EIF3B: variants seen among roughly 807,000 people sequenced by gnomAD.
EIF3B encodes eukaryotic translation initiation factor 3 subunit 9.
Under a neutral mutation model 104.6 loss-of-function variants are expected in EIF3B, and 10 were observed. The observed-to-expected ratio is 0.10, with a 90% CI of 0.06 to 0.16. The LOEUF is 0.16. Ranked by LOEUF, EIF3B falls within the 10% of genes least tolerant of loss-of-function variation. The pLI, the probability that EIF3B is intolerant of heterozygous loss-of-function variation, is 1.00. For synonymous variants in EIF3B, 542 were observed against 417.2 expected, an observed-to-expected ratio of 1.30 and a Z score of -3.65; for missense variants, 1,014 against 1,087.9, an observed-to-expected ratio of 0.93 and a Z score of 0.96.
intron 1 of EIF3B, among the ~76,000 whole-genome samples, chr7:2,358,092 C>T (rs1779548075): frequency 6.6e-6 from 1 of 151,768 alleles, no homozygotes; most frequent in Non-Finnish European, 1.5e-5. Flanking sequence ...GCAGTATTTT[C>T]AATATTTCCT....
At chr7:2,373,536 C>G (rs1381615325) in intron 12 of EIF3B, 1 of 152,158 alleles carries the variant, frequency 6.6e-6, no homozygotes, top group Non-Finnish European at 1.5e-5. Flanking sequence ...CCTGGCCGCA[C>G]CTTTCGCAGC....
intron 9 of EIF3B, among the ~76,000 whole-genome samples, chr7:2,368,887 T>C (rs546810110): frequency 2.0e-4 from 31 of 152,302 alleles, no homozygotes; most frequent in Admixed American, 3.9e-4. Context: ...AATTATGGCT[T>C]ATAAAATGAA....
intron 16 of EIF3B, 158 bp from the exon 17 acceptor site, chr7:2,378,976 G>T (rs906098597): frequency 1.3e-6 from 1 of 755,314 alleles, no homozygotes; most frequent in Non-Finnish European, 2.2e-6. Flanking sequence ...TGGGTGGGGG[G>T]CAGCGTTGGG....
chr7:2,377,621 C>T (rs36158705), intron 15 of EIF3B, among the ~76,000 whole-genome samples: 810 of 48,642 alleles, frequency 0.017, 11 homozygotes, highest in African/African-American at 0.057. Context: ...CGCGAGCTCT[C>T]CTGGGAATCC....
chr7:2,380,242 G>A lies in EIF3B; in HGVS notation c.*53G>A. 1 of 461,022 alleles carries A rather than the reference G, an allele frequency of 2.2e-6. No individual in the cohort carries two copies. The highest frequency in any genetic ancestry group is 4.3e-6 in the Non-Finnish European group (1 of 231,134). The allele number at this position is 461,022 out of a possible 1,614,324, so 28.6% of individuals were successfully genotyped here. ...CCTGCTGTTCCCGCGCTGAGCTACA[G>A]GACTCCCGAGTGTGAGCCGCGGTTC... On this transcript the variant is annotated 3_prime_UTR_variant, in exon 19 of 19. Coordinates refer to ENST00000360876, the MANE Select transcript of EIF3B (RefSeq NM_001037283.2).
chr7:2,377,109 A>G, intron 15 of EIF3B, 34 bp downstream of exon 15: 2 of 1,577,146 alleles, frequency 1.3e-6, no homozygotes, highest in South Asian at 1.1e-5. Flanking sequence ...TGCAGGGCAC[A>G]TGGAGGCAAT....
At chr7:2,360,953 T>C in intron 2 of EIF3B, 51 bp downstream of exon 2, 2 of 1,463,726 alleles carry the variant, frequency 1.4e-6, no homozygotes, top group African/African-American at 2.8e-5. Context: ...CACGTCATGA[T>C]GAGGGAGTGT....
At chr7:2,371,661 T>C in intron 10 of EIF3B, 116 bp from the exon 11 acceptor site, 1 of 809,074 alleles carries the variant, frequency 1.2e-6, no homozygotes, top group Non-Finnish European at 2.1e-6. Flanking sequence ...CACATGCTCG[T>C]GTGTGAACCA....
At chr7:2,363,170 C>G (rs889957135) in intron 4 of EIF3B, 43 bp downstream of exon 4, 1 of 1,595,710 alleles carries the variant, frequency 6.3e-7, no homozygotes. Context: ...TAAAGAAATG[C>G]TGCTGGGTGT....
chr7:2,358,794 G>T (rs988896026), intron 1 of EIF3B, among the ~76,000 whole-genome samples: 2 of 152,308 alleles, frequency 1.3e-5, no homozygotes, highest in African/African-American at 4.8e-5. Context: ...CTCCCAAAAT[G>T]CTGGGATTAC....
At chr7:2,354,666 C>A (rs1345565430), upstream of EIF3B, among the ~76,000 whole-genome samples, 2 of 152,194 alleles carry the variant, frequency 1.3e-5, no homozygotes, top group African/African-American at 4.8e-5. Context: ...AACAACCTTG[C>A]TGAATGGAAT....
rs1485277315 is a variant in EIF3B, at chr7:2,377,027, G to T, written c.2106G>T (p.Leu702=). 5 of 1,613,682 alleles carry T rather than the reference G, an allele frequency of 3.1e-6. No homozygotes were observed. Among genetic ancestry groups the T allele is most frequent in the South Asian group, 1.1e-5 (1 of 91,072 alleles). Residue 702 remains leucine, a synonymous_variant, in exon 15 of 19, where the codon CTG becomes CTT. Coordinates refer to ENST00000360876, the MANE Select transcript of EIF3B (RefSeq NM_001037283.2). ...ACAACAAGGACCGCTTCTGCCAGCT[G>T]CTGTGGCGGCCCCGGCCTCCCACAC... ...QKNNKDRFCQ[L]LWRPRPPTLL... is the part of the protein sequence containing the mutation.
chr7:2,359,258 G>A (rs1779613209), intron 1 of EIF3B, among the ~76,000 whole-genome samples: 1 of 152,168 alleles, frequency 6.6e-6, no homozygotes, highest in Non-Finnish European at 1.5e-5. Context: ...TTTTGTAGAC[G>A]AGGACTTGAT....
In EIF3B at chr7:2,354,926, A is replaced by C. The variant is rs1480264668; in HGVS notation, c.5A>C (p.Gln2Pro). Residue 2 changes from glutamine (Q) to proline (P), a missense_variant, in exon 1 of 19, where the codon CAG (glutamine) becomes CCG (proline). Gln to Pro is a moderately conservative substitution (Grantham distance 76). Transcript: ENST00000360876. M[Q>P]DAENVAVPEA... ...CGAGTAGGCAGCGTTGGGCCCATGC[A>C]GGACGCGGAGAACGTGGCGGTGCCC... The C allele has an allele frequency of 8.1e-6, 10 of 1,230,296 alleles. No homozygotes were observed. Among genetic ancestry groups the C allele is most frequent in the Non-Finnish European group, 1.0e-5 (10 of 977,996 alleles). 76.2% of individuals were successfully genotyped at this position (1,230,296 alleles called of 1,614,324 possible). A position where few individuals can be genotyped will look rare whatever the true frequency, so the allele number is the denominator to read the frequency against.
In EIF3B at chr7:2,359,465, C is replaced by T. The variant is rs1360901239; in HGVS notation, c.500-1245C>T. On this transcript the variant is annotated intron_variant, in intron 1 of 18. Coordinates refer to ENST00000360876, the MANE Select transcript of EIF3B (RefSeq NM_001037283.2). The stretch of plus-strand genomic sequence containing the variant: ...GACCAGGTTCAGGGGCTCCATGCAG[C>T]GGAACAGGTGGAGGCTTCTGCAGGG... Among the ~76,000 whole-genome samples the T allele has an allele frequency of 3.3e-5, 5 of 152,166 alleles. No individual in the cohort carries two copies. In the South Asian group the frequency reaches 8.3e-4, roughly 25 times the overall value.
chr7:2,362,498 C>A (rs1045395954), intron 2 of EIF3B, 147 bp from the exon 3 acceptor site: 2 of 918,630 alleles, frequency 2.2e-6, no homozygotes, highest in African/African-American at 1.6e-5. Flanking sequence ...ATCTGTCCCC[C>A]GTGTGACTGC....
At position 2,377,044 on chromosome 7, in the gene EIF3B, C is replaced by G. The variant is rs1411313858; in HGVS notation, c.2123C>G (p.Pro708Arg). The G allele has an allele frequency of 6.8e-6, 11 of 1,613,570 alleles. No individual in the cohort carries two copies. The highest frequency in any genetic ancestry group is 9.3e-6 in the Non-Finnish European group (11 of 1,179,992). Residue 708 changes from proline (P) to arginine (R), a missense_variant, in exon 15 of 19, where the codon CCT becomes CGT. By Grantham distance (103) the Pro-to-Arg change is moderately radical. Around this residue, in one of 4 missense-constraint regions of EIF3B, gnomAD observed 266 missense variants for 324.0 expected, o/e 0.82. Transcript: ENST00000360876. ...TGCCAGCTGCTGTGGCGGCCCCGGC[C>G]TCCCACACTCCTGAGCCAGGAACAG... ...RFCQLLWRPR[P>R]PTLLSQEQIK...
At chr7:2,374,872 CTGTGGTTAA>C in intron 13 of EIF3B, 1 of 384,342 alleles carries the variant, frequency 2.6e-6, no homozygotes, top group Non-Finnish European at 4.7e-6. Flanking sequence ...TTGTGGTTCT[CTGTGGTTAA>C]ACAAGTGCCT....
At chr7:2,367,146 T>A in intron 9 of EIF3B, 101 bp downstream of exon 9, 1 of 1,153,664 alleles carries the variant, frequency 8.7e-7, no homozygotes, top group Admixed American at 2.3e-5. Flanking sequence ...GGGTGGCTTA[T>A]GACAGCTGAG....
Sources: allele counts gnomAD v4.1 joint callset (sites outside exome capture counted in the v4.1 genomes callset), GRCh38; gene constraint gnomAD v4.1.1; regional missense constraint gnomAD v4.1.1; transcripts MANE v1.5; gene names NCBI Gene and HGNC (gene_info 2026-07-23, HGNC 2026-07-21).